Variants in EDRF1 observed in about 807,000 individuals in gnomAD.
EDRF1 encodes the protein erythroid differentiation regulatory factor 1.
Under a neutral mutation model 148.7 loss-of-function variants are expected in EDRF1, and 69 were observed. The ratio of observed to expected loss-of-function variants is 0.46; its 90% CI spans 0.38 to 0.57. The LOEUF (loss-of-function observed/expected upper bound fraction) is 0.57, where lower values mean the gene tolerates loss of function less well. Among genes scored for constraint, EDRF1 ranks in the 20% least tolerant of loss-of-function variants. The pLI is 0.00. For missense variants in EDRF1, 1,118 were observed against 1,478.7 expected (o/e 0.76, Z 4.00); for synonymous variants, 515 against 532.8 (o/e 0.97, Z 0.46).
rs140925383 is a variant in EDRF1, at chr10:125,743,001, T to C, written c.2372-57T>C. 4.1e-4 allele frequency: 655 copies of C among 1,595,398 alleles called. 8 individuals carry two copies. The East Asian group carries it at 0.013, about 33-fold the overall frequency. On this transcript the variant is annotated intron_variant, in intron 17 of 24. Coordinates refer to ENST00000356792, the MANE Select transcript of EDRF1 (RefSeq NM_001202438.2). ...ATTTAGAATCTCAGGTTCATTTGGA[T>C]ACTGAGGAAGAAGGAATCACATGAT...
chr10:125,753,768 CAG>C lies in EDRF1; in HGVS notation c.3469_3470del (p.Ser1157TyrfsTer3). ...ATCGAGAAGAAGTGATGAAACTCCT[CAG>C]TATATTTGAGTCTCGGTTGTCATTT... ...LNREEVMKLL[S>X]IFESRLSFLL... is the part of the protein sequence containing the mutation. On this transcript the variant is annotated frameshift_variant, in exon 24 of 25. Coordinates refer to ENST00000356792, the MANE Select transcript of EDRF1 (RefSeq NM_001202438.2). LOFTEE classifies it high-confidence loss of function. 6.2e-7 allele frequency: 1 copy of C among 1,613,964 alleles called. No homozygotes were observed. Among genetic ancestry groups the C allele is most frequent in the Non-Finnish European group, 8.5e-7 (1 of 1,180,002 alleles).
intron 15 of EDRF1, among the ~76,000 whole-genome samples, chr10:125,739,669 T>C (rs1848914990): frequency 6.6e-6 from 1 of 152,244 alleles, no homozygotes; most frequent in African/African-American, 2.4e-5. Flanking sequence ...TTGAAAGACT[T>C]GTGTTCTAGC....
intron 6 of EDRF1, among the ~76,000 whole-genome samples, chr10:125,727,635 C>T (rs1465604780): frequency 6.6e-6 from 1 of 152,150 alleles, no homozygotes; most frequent in Non-Finnish European, 1.5e-5. Context: ...GAGGACAAGG[C>T]ACAATAGAAG....
chr10:125,719,725 C>G lies in EDRF1; in HGVS notation c.-83C>G, dbSNP rs1201978337. On this transcript the variant is annotated 5_prime_UTR_variant, in exon 1 of 25. Coordinates refer to ENST00000356792, the MANE Select transcript of EDRF1 (RefSeq NM_001202438.2). Reference sequence around the variant, plus strand: ...CGGAAGTGCGGTCCGCGGAGCGTCTCTGGCGCTTACCCTGCTTTGGGCCTG... The same window carrying G: ...CGGAAGTGCGGTCCGCGGAGCGTCTGTGGCGCTTACCCTGCTTTGGGCCTG... The G allele has an allele frequency of 3.7e-6, 4 of 1,087,818 alleles. No individual in the cohort carries two copies. Among genetic ancestry groups the G allele is most frequent in the African/African-American group, 1.6e-5 (1 of 63,064 alleles). 67.4% of individuals were successfully genotyped at this position (1,087,818 alleles called of 1,614,324 possible). A position where few individuals can be genotyped will look rare whatever the true frequency, so the allele number is the denominator to read the frequency against.
chr10:125,734,269 A>G (rs2133698369), intron 12 of EDRF1, 86 bp downstream of exon 12: 2 of 1,024,420 alleles, frequency 2.0e-6, no homozygotes, highest in Non-Finnish European at 1.5e-6. Flanking sequence ...CTCCTGATTC[A>G]TATTCCGTAA....
At chr10:125,727,965 G>A (rs1455952238) in intron 6 of EDRF1, among the ~76,000 whole-genome samples, 1 of 152,082 alleles carries the variant, frequency 6.6e-6, no homozygotes, top group African/African-American at 2.4e-5. Flanking sequence ...GGGAGGCCGA[G>A]GTGGGTGGAT....
intron 15 of EDRF1, among the ~76,000 whole-genome samples, chr10:125,739,122 TAA>T (rs543903978): frequency 6.9e-6 from 1 of 145,236 alleles, no homozygotes; most frequent in Non-Finnish European, 1.5e-5. Flanking sequence ...TTCAATTGTT[TAA>T]AAAAAAAAAA....
chr10:125,725,715 A>G lies in EDRF1; in HGVS notation c.669A>G (p.Ser223=). The change falls in exon 6 of 25, where the codon TCA becomes TCG. Residue 223 remains serine, a synonymous_variant. Transcript: ENST00000356792. ...GTGATGGAGCCGCTCAGCCTGTCTC[A>G]TCCACCGCAGAACAGCAGGAATCGT... is the stretch of plus-strand genomic sequence containing the variant. ...INGDGAAQPV[S]STAEQQESSS... 1 of 1,614,098 alleles carries G rather than the reference A, an allele frequency of 6.2e-7. No individual in the cohort carries two copies. Among genetic ancestry groups the G allele is most frequent in the Non-Finnish European group, 8.5e-7 (1 of 1,180,006 alleles).
At chr10:125,748,596 C>CT (rs987628309) in intron 21 of EDRF1, 4 of 167,634 alleles carry the variant, frequency 2.4e-5, no homozygotes, top group South Asian at 1.5e-4. Flanking sequence ...ATTTTCCCCC[C>CT]CCGTAAGGTA....
At chr10:125,745,573 G>T in intron 18 of EDRF1, 134 bp from the exon 19 acceptor site, 1 of 826,642 alleles carries the variant, frequency 1.2e-6, no homozygotes, top group Non-Finnish European at 2.0e-6. Context: ...GCAATGAGCC[G>T]TGGTTGACTG....
intron 24 of EDRF1, among the ~76,000 whole-genome samples, chr10:125,760,439 G>T (rs79374760): frequency 0.015 from 2,331 of 152,252 alleles, 58 homozygotes; most frequent in East Asian, 0.098. Flanking sequence ...GAAAACTATT[G>T]TAATCTAAAG....
At chr10:125,747,792 T>A in intron 20 of EDRF1, 71 bp from the exon 21 acceptor site, 1 of 1,610,578 alleles carries the variant, frequency 6.2e-7, no homozygotes, top group Non-Finnish European at 8.5e-7. Context: ...TAAGCAGTAT[T>A]TAAACGTTTT....
intron 13 of EDRF1, among the ~76,000 whole-genome samples, chr10:125,736,437 CT>C (rs1848738150): frequency 6.6e-6 from 1 of 152,146 alleles, no homozygotes; most frequent in Non-Finnish European, 1.5e-5. Context: ...TGCACTGACT[CT>C]ACCATCAGTG....
intron 8 of EDRF1, among the ~76,000 whole-genome samples, chr10:125,729,836 C>T (rs1848417971): frequency 1.3e-5 from 2 of 152,240 alleles, no homozygotes; most frequent in East Asian, 1.9e-4. Context: ...TCTGAATCTA[C>T]AACTTGTGAG....
In EDRF1 at chr10:125,747,940, C is replaced by CTA; in HGVS notation, c.3051_3052insTA (p.Leu1018TyrfsTer22). ...TGGATTCAGTGTCTGCTCGACAGCC[C>CTA]CTTTGTCAGTATCGAGCTGCAACCA... On this transcript the variant is annotated frameshift_variant, in exon 21 of 25. Transcript: ENST00000356792. LOFTEE classifies it high-confidence loss of function. The CTA allele has an allele frequency of 6.2e-7, 1 of 1,614,128 alleles. No individual in the cohort carries two copies. The highest frequency in any genetic ancestry group is 8.5e-7 in the Non-Finnish European group (1 of 1,180,000).
Position 125,763,446 on chromosome 10 carries a change from G to T in EDRF1, c.3691G>T (p.Ala1231Ser), listed in dbSNP as rs778100235. Residue 1231 changes from alanine (A) to serine (S), a missense_variant, in exon 25 of 25, where the codon GCA becomes TCA. Coordinates refer to ENST00000356792, the MANE Select transcript of EDRF1 (RefSeq NM_001202438.2). The surrounding 1 kb of genome is among the most constrained non-coding windows in gnomAD (Gnocchi z 4.3). ...GCTGGGCCAGCTTGCCGCCGGCAGT[G>T]CAGCGAGCAGCAATGCCGTTCAGTG... ...HLLGQLAAGSAASSNAVQ is the reference protein window; with the variant it reads ...HLLGQLAAGSSASSNAVQ 4 of 1,608,788 alleles carry T rather than the reference G, an allele frequency of 2.5e-6. No homozygotes were observed. The highest frequency in any genetic ancestry group is 3.4e-6 in the Non-Finnish European group (4 of 1,180,004).
intron 23 of EDRF1, among the ~76,000 whole-genome samples, chr10:125,753,424 C>T (rs1849740402): frequency 6.6e-6 from 1 of 152,164 alleles, no homozygotes; most frequent in African/African-American, 2.4e-5. Flanking sequence ...CCTGCTTGGT[C>T]AAATCCTGTG....
At chr10:125,737,715 CATT>C (rs1395195875) in intron 13 of EDRF1, among the ~76,000 whole-genome samples, 200 bp from the exon 14 acceptor site, 1 of 152,152 alleles carries the variant, frequency 6.6e-6, no homozygotes, top group Admixed American at 6.6e-5. Flanking sequence ...TTGTCTAAAA[CATT>C]ACTACTCTAG....
In EDRF1 at chr10:125,728,960, A is replaced by G. The variant is rs200997806; in HGVS notation, c.793-43A>G. 1,175 of 1,460,806 alleles carry G rather than the reference A, an allele frequency of 8.0e-4. 2 individuals carry two copies. Among genetic ancestry groups the G allele is most frequent in the Admixed American group, 1.5e-3 (67 of 44,700 alleles). The allele number at this position is 1,460,806 out of a possible 1,614,324, so 90.5% of individuals were successfully genotyped here. A position where few individuals can be genotyped will look rare whatever the true frequency, so the allele number is the denominator to read the frequency against. ...CTCAAAAGTGGGTCAATTTTAAGAA[A>G]TGTTGACAGCAGAATCACTCCTTAT... On this transcript the variant is annotated intron_variant, in intron 6 of 24. Transcript: ENST00000356792.
Sources: allele counts gnomAD v4.1 joint callset (sites outside exome capture counted in the v4.1 genomes callset), GRCh38; gene constraint gnomAD v4.1.1; non-coding constraint Gnocchi (gnomAD v3.1); transcripts MANE v1.5; gene names NCBI Gene and HGNC (gene_info 2026-07-23, HGNC 2026-07-21).